The following FBXO9 variants were observed in gnomAD, a reference collection of about 807,000 sequenced individuals.
The protein encoded by FBXO9 is F-box protein 9.
In FBXO9, 43 loss-of-function variants were observed where a neutral mutation model predicts 63.7. The observed-to-expected ratio is 0.67, with a 90% CI of 0.53 to 0.87. FBXO9 has a LOEUF of 0.87. Among genes scored for constraint, FBXO9 ranks in the 40% least tolerant of loss-of-function variants. The pLI is 0.00. For synonymous variants in FBXO9, 156 were observed against 171.7 expected (o/e 0.91, Z 0.72); for missense variants, 442 against 533.2 (o/e 0.83, Z 1.68).
intron 1 of FBXO9, chr6:53,066,141 A>G (rs2127485189): frequency 6.4e-6 from 7 of 1,095,408 alleles, no homozygotes; most frequent in Non-Finnish European, 7.8e-6. Context: ...AGCATTGAGC[A>G]TAGATTGAGG....
intron 4 of FBXO9, among the ~76,000 whole-genome samples, chr6:53,077,338 TGGCG>T (rs1258911892): frequency 6.6e-6 from 1 of 150,768 alleles, no homozygotes; most frequent in Non-Finnish European, 1.5e-5. Context: ...GCCGGCGTAG[TGGCG>T]GGCGCCTGTA....
At chr6:53,070,679 G>A (rs1016882197) in intron 1 of FBXO9, among the ~76,000 whole-genome samples, 3 of 152,072 alleles carry the variant, frequency 2.0e-5, no homozygotes, top group African/African-American at 7.2e-5. Flanking sequence ...TGCCATATGA[G>A]GGACTGGAAA....
At chr6:53,078,975 A>G (rs1769216500) in intron 5 of FBXO9, 77 bp downstream of exon 5, 1 of 1,030,248 alleles carries the variant, frequency 9.7e-7, no homozygotes, top group Non-Finnish European at 1.5e-6. Context: ...GACTCTTAAG[A>G]TGGTGCTAAT....
rs113352338 is a variant in FBXO9, at chr6:53,094,091, T to C, written c.1053+113T>C. On this transcript the variant is annotated intron_variant, in intron 11 of 12. Transcript: ENST00000323557. ...CCCTTTCTGATTATTTATACTGTTATATAAAATGTATATTAACTTCTAGCA... is the reference window on the plus strand; with the variant it reads ...CCCTTTCTGATTATTTATACTGTTACATAAAATGTATATTAACTTCTAGCA... 4.8e-3 allele frequency: 2,303 copies of C among 484,284 alleles called. 47 individuals carry two copies. The highest frequency in any genetic ancestry group is 0.04 in the African/African-American group (1,998 of 50,100). The allele number at this position is 484,284 out of a possible 1,614,324, so 30.0% of individuals were successfully genotyped here. A position where few individuals can be genotyped will look rare whatever the true frequency, so the allele number is the denominator to read the frequency against.
In FBXO9 at chr6:53,078,901, G is replaced by T. The variant is rs1298239129; in HGVS notation, c.407+3G>T. The T allele has an allele frequency of 6.2e-7, 1 of 1,607,906 alleles. No homozygotes were observed. Among genetic ancestry groups the T allele is most frequent in the South Asian group, 1.1e-5 (1 of 90,906 alleles). On this transcript the variant is annotated splice_donor_region_variant and intron_variant, in intron 5 of 12. Transcript: ENST00000323557. ...GGTGATGGCGTTGGAAACAGCTAGTGCGTATATAATTTGATAGATAGTAAT... is the reference window on the plus strand; with the variant it reads ...GGTGATGGCGTTGGAAACAGCTAGTTCGTATATAATTTGATAGATAGTAAT...
chr6:53,098,093 A>G lies in FBXO9; in HGVS notation c.*263A>G, dbSNP rs940370666. On this transcript the variant is annotated 3_prime_UTR_variant, in exon 13 of 13. Coordinates refer to ENST00000323557, the MANE Select transcript of FBXO9 (RefSeq NM_033480.3). The stretch of plus-strand genomic sequence containing the variant: ...GTGTTTTGAAATTAAGTTGGAATTA[A>G]GTTGCTTAAGCATATTTATGTTGTG... 7.5e-6 allele frequency: 2 copies of G among 265,258 alleles called. No individual in the cohort carries two copies. The highest frequency in any genetic ancestry group is 1.2e-4 in the East Asian group (1 of 8,196). 16.4% of individuals were successfully genotyped at this position (265,258 alleles called of 1,614,324 possible). A position where few individuals can be genotyped will look rare whatever the true frequency, so the allele number is the denominator to read the frequency against.
chr6:53,080,094 T>A (rs1164260069), intron 5 of FBXO9, among the ~76,000 whole-genome samples: 1 of 152,070 alleles, frequency 6.6e-6, no homozygotes, highest in Non-Finnish European at 1.5e-5. Flanking sequence ...AAAGAGGCAT[T>A]TCTTTTCTTT....
chr6:53,092,612 C>T (rs1763074549), intron 8 of FBXO9, 65 bp downstream of exon 8: 3 of 1,482,990 alleles, frequency 2.0e-6, no homozygotes, highest in Non-Finnish European at 2.8e-6. Flanking sequence ...TATAAATACG[C>T]CGTTTAAATT....
At chr6:53,068,385 T>C (rs1208526259) in intron 1 of FBXO9, among the ~76,000 whole-genome samples, 2 of 152,190 alleles carry the variant, frequency 1.3e-5, no homozygotes, top group Non-Finnish European at 2.9e-5. Context: ...AGTCATCTGA[T>C]TGAAACCTTT....
chr6:53,092,538 C>T lies in FBXO9; in HGVS notation c.763C>T (p.Arg255Trp), dbSNP rs372104960. 3.1e-6 allele frequency: 5 copies of T among 1,612,360 alleles called. No homozygotes were observed. Among genetic ancestry groups the T allele is most frequent in the East Asian group, 2.2e-5 (1 of 44,850 alleles). Residue 255 changes from arginine (R) to tryptophan (W), a missense_variant, in exon 8 of 13, where the codon CGG (arginine) becomes TGG (tryptophan). By Grantham distance (101) the Arg-to-Trp change is moderately radical. This residue lies in a region of FBXO9 where 262 missense variants were observed against 362.1 expected (regional missense o/e 0.72). Coordinates refer to ENST00000323557, the MANE Select transcript of FBXO9 (RefSeq NM_033480.3). The part of the protein sequence containing the change: ...REMFLERPRV[R>W]FDGVYISKTT... Reference sequence around the variant, plus strand: ...GATGTTTTTAGAACGGCCTCGTGTTCGGTTTGATGGTAAGTTGGATTCTGT... The same window carrying T: ...GATGTTTTTAGAACGGCCTCGTGTTTGGTTTGATGGTAAGTTGGATTCTGT...
chr6:53,077,345 C>T (rs910057638), intron 4 of FBXO9, among the ~76,000 whole-genome samples: 21 of 150,312 alleles, frequency 1.4e-4, no homozygotes, highest in Non-Finnish European at 2.2e-4. Flanking sequence ...TAGTGGCGGG[C>T]GCCTGTAGTC....
intron 6 of FBXO9, among the ~76,000 whole-genome samples, chr6:53,082,215 A>G (rs940403336): frequency 2.0e-5 from 3 of 152,168 alleles, no homozygotes; most frequent in Non-Finnish European, 4.4e-5. Context: ...CACATAGATT[A>G]TTTTCCTAAA....
In FBXO9 at chr6:53,097,708, C is replaced by CA; in HGVS notation, c.1206-14_1206-13insA. The CA allele has an allele frequency of 2.1e-6, 3 of 1,451,962 alleles. No homozygotes were observed. Among genetic ancestry groups the CA allele is most frequent in the Non-Finnish European group, 2.8e-6 (3 of 1,058,552 alleles). 89.9% of individuals were successfully genotyped at this position (1,451,962 alleles called of 1,614,324 possible). A position where few individuals can be genotyped will look rare whatever the true frequency, so the allele number is the denominator to read the frequency against. On this transcript the variant is annotated splice_polypyrimidine_tract_variant and intron_variant, in intron 12 of 12. Coordinates refer to ENST00000323557, the MANE Select transcript of FBXO9 (RefSeq NM_033480.3). ...ATTTCCTCATACTAGTAATTTTGTG[C>CA]TTTTTTTTTACAGATCAACTGGTGA...
intron 6 of FBXO9, 38 bp downstream of exon 6, chr6:53,081,136 T>C (rs1416481150): frequency 6.3e-7 from 1 of 1,580,860 alleles, no homozygotes. Flanking sequence ...GTGAGAAATA[T>C]CTTAACCTTA....
chr6:53,095,100 T>C (rs1260430430), intron 11 of FBXO9, among the ~76,000 whole-genome samples: 1 of 152,206 alleles, frequency 6.6e-6, no homozygotes, highest in African/African-American at 2.4e-5. Context: ...CCTTCACCAA[T>C]TTATCACTTT....
In FBXO9 at chr6:53,092,430, G is replaced by T. The variant is rs1349317875; in HGVS notation, c.655G>T (p.Asp219Tyr). 6.2e-7 allele frequency: 1 copy of T among 1,611,236 alleles called. No individual in the cohort carries two copies. Among genetic ancestry groups the T allele is most frequent in the Non-Finnish European group, 8.5e-7 (1 of 1,177,468 alleles). ...VCRGFYICAR[D>Y]PEIWRLACLK... ...TGACATTGTGCTTTTATTCCCTAGA[G>T]ACCCTGAAATATGGCGTCTGGCCTG... The change falls in exon 8 of 13, where the codon GAC (aspartate) becomes TAC (tyrosine). Residue 219 changes from aspartate (D) to tyrosine (Y), a missense_variant and splice_region_variant. By Grantham distance (160) the Asp-to-Tyr change is radical (BLOSUM62 -3). This residue lies in a region of FBXO9 where 262 missense variants were observed against 362.1 expected (regional missense o/e 0.72). Transcript: ENST00000323557.
At chr6:53,069,128 A>G (rs1450653332) in intron 1 of FBXO9, among the ~76,000 whole-genome samples, 3 of 152,178 alleles carry the variant, frequency 2.0e-5, no homozygotes, top group African/African-American at 4.8e-5. Flanking sequence ...AGCAATAACT[A>G]TTTGCTGAAC....
At chr6:53,090,883 TAAA>T (rs903514090) in intron 7 of FBXO9, 40 of 152,184 alleles carry the variant, frequency 2.6e-4, no homozygotes, top group African/African-American at 9.4e-4. Context: ...CCTAGTTAAT[TAAA>T]AAAAATTTTT....
chr6:53,071,480 A>T (rs1768914018), intron 2 of FBXO9, among the ~76,000 whole-genome samples: 2 of 152,212 alleles, frequency 1.3e-5, no homozygotes, highest in African/African-American at 4.8e-5. Context: ...AGTTAAGAGA[A>T]ATAGCCAGCT....
Sources: gnomAD v4.1 joint callset for allele counts (sites outside exome capture counted in the v4.1 genomes callset) on GRCh38, gnomAD v4.1.1 for gene constraint, gnomAD v4.1.1 regional missense constraint, MANE v1.5 for transcripts, NCBI Gene and HGNC (gene_info 2026-07-23, HGNC 2026-07-21) for gene names.